The following TRRAP variants were observed in gnomAD, a reference collection of about 807,000 sequenced individuals.
TRRAP encodes the protein transformation/transcription domain-associated protein.
A neutral mutation model predicts 438.8 loss-of-function variants in TRRAP; 41 were observed. The ratio of observed to expected loss-of-function variants is 0.09; its 90% CI spans 0.07 to 0.12. TRRAP has a LOEUF of 0.12. TRRAP is among the 10% of genes least tolerant of loss of function. TRRAP has a pLI of 1.00. For synonymous variants in TRRAP, 1,994 were observed against 1,962.9 expected, an observed-to-expected ratio of 1.02 and a Z score of -0.42; for missense variants, 3,122 against 5,055.1, an observed-to-expected ratio of 0.62 and a Z score of 11.60.
rs1796902354 is a variant in TRRAP at position 98,908,629 on chromosome 7, G to GGGGTGGTGTTCCTGGGGC, written c.1116-98_1116-81dup. On this transcript the variant is annotated intron_variant, in intron 13 of 72. Transcript: ENST00000456197. This position sits in a 1 kb window ranked among gnomAD's most constrained non-coding sequence, Gnocchi z 4.1. Reference sequence around the variant, plus strand: ...TGGGCCATGTAAGTGTGCCGACCCAGGGGTGGTGTTCCTGGGGCAGATGGT... The same window carrying GGGGTGGTGTTCCTGGGGC: ...TGGGCCATGTAAGTGTGCCGACCCAGGGGTGGTGTTCCTGGGGCGGGTGGTGTTCCTGGGGCAGATGGT... 1 of 1,083,884 alleles carries GGGGTGGTGTTCCTGGGGC rather than the reference G, an allele frequency of 9.2e-7. No homozygotes were observed. Among genetic ancestry groups the GGGGTGGTGTTCCTGGGGC allele is most frequent in the Non-Finnish European group, 1.3e-6 (1 of 748,464 alleles). 67.1% of individuals were successfully genotyped at this position (1,083,884 alleles called of 1,614,324 possible).
chr7:98,929,871 G>A (rs771307393), intron 23 of TRRAP, 118 bp from the exon 24 acceptor site: 4 of 1,066,318 alleles, frequency 3.8e-6, no homozygotes, highest in Non-Finnish European at 5.6e-6. Context: ...TGGGATTACG[G>A]GTGTGAGCCG....
chr7:98,889,557 A>C (rs5024342), intron 3 of TRRAP, among the ~76,000 whole-genome samples: 1 of 141,696 alleles, frequency 7.1e-6, no homozygotes, highest in Non-Finnish European at 1.5e-5. Context: ...TTTTTTTTTA[A>C]AAAAAATAGA....
intron 40 of TRRAP, 31 bp downstream of exon 40, chr7:98,953,464 A>G (rs980139652): frequency 1.3e-6 from 2 of 1,597,828 alleles, no homozygotes; most frequent in South Asian, 1.1e-5. Flanking sequence ...GTCCGCCGAC[A>G]TCAGCGTGAA....
At chr7:98,916,007 G>C (rs1417498185) in intron 19 of TRRAP, 119 bp downstream of exon 19, 1 of 1,358,430 alleles carries the variant, frequency 7.4e-7, no homozygotes, top group South Asian at 1.4e-5. Flanking sequence ...TGGTGGGATG[G>C]GATGTGGCAC....
intron 13 of TRRAP, among the ~76,000 whole-genome samples, chr7:98,907,323 C>CAA (rs34059724): frequency 7.2e-6 from 1 of 137,956 alleles, no homozygotes. Flanking sequence ...AACTCTGTCT[C>CAA]AAAAAAAAAA....
rs1377378353 is a variant in TRRAP, at chr7:98,965,786, C to T, written c.7067C>T (p.Ala2356Val). Residue 2356 changes from alanine (A) to valine (V), a missense_variant, in exon 49 of 73, where the codon GCC becomes GTC. Coordinates refer to ENST00000456197, the MANE Select transcript of TRRAP (RefSeq NM_001375524.1). ...SMEMRKNFIQAILTSLIEKSP... is the reference protein window; with the variant it reads ...SMEMRKNFIQVILTSLIEKSP... ...GAGATGCGGAAGAACTTCATCCAGGCCATCCTGACATCCCTCATCGAAAAA... is the reference window on the plus strand; with the variant it reads ...GAGATGCGGAAGAACTTCATCCAGGTCATCCTGACATCCCTCATCGAAAAA... 1 of 1,614,074 alleles carries T rather than the reference C, an allele frequency of 6.2e-7. No individual in the cohort carries two copies. Among genetic ancestry groups the T allele is most frequent in the East Asian group, 2.2e-5 (1 of 44,868 alleles).
chr7:98,923,238 A>G (rs1228845964), intron 21 of TRRAP, among the ~76,000 whole-genome samples: 1 of 152,060 alleles, frequency 6.6e-6, no homozygotes, highest in Non-Finnish European at 1.5e-5. Flanking sequence ...CCCACCCCCA[A>G]AAAATTCCCT....
chr7:98,925,057 T>A (rs1789985799), intron 21 of TRRAP, 55 bp from the exon 22 acceptor site: 1 of 1,556,820 alleles, frequency 6.4e-7, no homozygotes, highest in Admixed American at 2.0e-5. Context: ...GTGAAAGCTT[T>A]TCACAATCAT....
rs3216262 is a variant in TRRAP at position 98,968,024 on chromosome 7, C to CT, written c.7512+338dup. ...TGTGGACTTGTCAACTCCCATTGTT[C>CT]TTTTTTTTTTTTGAGACAGAGTCCT... On this transcript the variant is annotated intron_variant, in intron 51 of 72. Transcript: ENST00000456197. Among the ~76,000 whole-genome samples the CT allele has an allele frequency of 3.4e-3, 499 of 147,536 alleles. 2 individuals carry two copies. Among genetic ancestry groups the CT allele is most frequent in the African/African-American group, 8.5e-3 (340 of 39,910 alleles).
chr7:98,902,685 A>C (rs1438863883), intron 11 of TRRAP, among the ~76,000 whole-genome samples: 1 of 152,138 alleles, frequency 6.6e-6, no homozygotes, highest in Admixed American at 6.5e-5. Flanking sequence ...CTGACACCGC[A>C]AAAGAAGATT....
chr7:98,890,085 G>T (rs1251897732), intron 3 of TRRAP, among the ~76,000 whole-genome samples: 1 of 152,136 alleles, frequency 6.6e-6, no homozygotes, highest in East Asian at 1.9e-4. Flanking sequence ...CAGGTTCCAG[G>T]TTCAGCATTT....
At chr7:98,978,673 A>G in intron 57 of TRRAP, 96 bp from the exon 58 acceptor site, 1 of 1,521,510 alleles carries the variant, frequency 6.6e-7, no homozygotes. Flanking sequence ...TCTTCTGTAG[A>G]ATGGAAATTT....
At chr7:98,940,275 G>C (rs935545649) in intron 30 of TRRAP, among the ~76,000 whole-genome samples, 1 of 151,874 alleles carries the variant, frequency 6.6e-6, no homozygotes, top group Non-Finnish European at 1.5e-5. Flanking sequence ...TGGAACCTCT[G>C]CCACCTGGGC....
chr7:98,995,405 A>G (rs1191869732), intron 67 of TRRAP, among the ~76,000 whole-genome samples: 1 of 151,962 alleles, frequency 6.6e-6, no homozygotes, highest in Non-Finnish European at 1.5e-5. Flanking sequence ...CGGGTGAGCC[A>G]GTAGGATTTA....
rs1477773608 is a variant in TRRAP at position 98,931,498 on chromosome 7, G to C, written c.3685G>C (p.Glu1229Gln). 8 of 1,614,012 alleles carry C rather than the reference G, an allele frequency of 5.0e-6. No homozygotes were observed. The highest frequency in any genetic ancestry group is 6.8e-6 in the Non-Finnish European group (8 of 1,179,996). The change falls in exon 26 of 73, where the codon GAG (glutamate) becomes CAG (glutamine). Residue 1229 changes from glutamate to glutamine, a missense_variant. Transcript: ENST00000456197. The stretch of plus-strand genomic sequence containing the variant: ...TTTAAAAGACGAGGAGAGAGCCGAA[G>C]AGATCGTGGCCGCCCAGGAAAAGTC... ...TPLKDEERAE[E>Q]IVAAQEKSFH...
At chr7:99,000,292 A>G (rs1401278476) in intron 67 of TRRAP, among the ~76,000 whole-genome samples, 1 of 152,142 alleles carries the variant, frequency 6.6e-6, no homozygotes, top group Non-Finnish European at 1.5e-5. Context: ...TACAGGTGTG[A>G]GTCACTGCCC....
In TRRAP at chr7:98,948,789, CTT is replaced by C. The variant is rs1339150516; in HGVS notation, c.4788+111_4788+112del. 3 of 1,547,144 alleles carry C rather than the reference CTT, an allele frequency of 1.9e-6. No individual in the cohort carries two copies. In the African/African-American group the frequency reaches 4.1e-5, roughly 21 times the overall value. ...ATTTCACTATTCAGTGTCCTGGCTG[CTT>C]TTTTTTCAGATCCATTTGAATATTG... is the stretch of plus-strand genomic sequence containing the variant. On this transcript the variant is annotated intron_variant, in intron 35 of 72. Coordinates refer to ENST00000456197, the MANE Select transcript of TRRAP (RefSeq NM_001375524.1). This position sits in a 1 kb window ranked among gnomAD's most constrained non-coding sequence, Gnocchi z 4.9.
At chr7:98,919,505 G>A (rs1345949686) in intron 20 of TRRAP, among the ~76,000 whole-genome samples, 4 of 152,202 alleles carry the variant, frequency 2.6e-5, no homozygotes, top group Non-Finnish European at 5.9e-5. Flanking sequence ...ACGAGTTTGA[G>A]GTGGAAGAAT....
chr7:98,945,771 T>C lies in TRRAP; in HGVS notation c.4498T>C (p.Cys1500Arg). 6.3e-7 allele frequency: 1 copy of C among 1,598,366 alleles called. No individual in the cohort carries two copies. Among genetic ancestry groups the C allele is most frequent in the Non-Finnish European group, 8.5e-7 (1 of 1,179,750 alleles). ...GNESISECGR[C>R]PLSPFCQFEP... ...GGAAAGCATTTCCGAGTGCGGGAGA[T>C]GTCCCTTGTCTCCATTCTGTCAGTT... Residue 1500 changes from cysteine to arginine, a missense_variant, in exon 32 of 73, where the codon TGT (cysteine) becomes CGT (arginine). This residue lies in a region of TRRAP where 108 missense variants were observed against 256.9 expected (regional missense o/e 0.42). Transcript: ENST00000456197.
Sources: allele counts gnomAD v4.1 joint callset (sites outside exome capture counted in the v4.1 genomes callset), GRCh38; gene constraint gnomAD v4.1.1; regional missense constraint gnomAD v4.1.1; non-coding constraint Gnocchi (gnomAD v3.1); transcripts MANE v1.5; gene names NCBI Gene and HGNC (gene_info 2026-07-23, HGNC 2026-07-21).